The following MORC1 variants were observed in gnomAD, a reference collection of about 807,000 sequenced individuals.
MORC1 encodes the protein MORC family CW-type zinc finger 1.
Under a neutral mutation model 134.9 loss-of-function variants are expected in MORC1, and 59 were observed. The ratio of observed to expected loss-of-function variants is 0.44; its 90% CI spans 0.35 to 0.54. MORC1 has a LOEUF of 0.54. Among genes scored for constraint, MORC1 ranks in the 20% least tolerant of loss-of-function variants. MORC1 has a pLI of 0.00. For missense variants in MORC1, 947 were observed against 1,134.5 expected (o/e 0.83, Z 2.37); for synonymous variants, 395 against 391.7 (o/e 1.01, Z -0.10).
intron 8 of MORC1, among the ~76,000 whole-genome samples, chr3:109,072,934 A>AACACACACACACACAC (rs58749136): frequency 3.0e-4 from 44 of 144,834 alleles, no homozygotes; most frequent in African/African-American, 1.1e-3. Flanking sequence ...AATCTCCCTC[A>AACACACACACACACAC]ACACACACAC....
Position 109,069,745 on chromosome 3 carries a change from C to T in MORC1, c.702G>A (p.Arg234=), listed in dbSNP as rs775275346. The T allele has an allele frequency of 6.2e-7, 1 of 1,607,460 alleles. No homozygotes were observed. The highest frequency in any genetic ancestry group is 1.1e-5 in the South Asian group (1 of 90,056). The stretch of plus-strand genomic sequence containing the variant: ...CAGATGTGTAGGCTCTGAATGACCA[C>T]CTCGCTGGGAAACTGAAATAGAAAA... The part of the protein sequence containing the change: ...MAGALEDFPA[R]WSFRAYTSVL... The change falls in exon 9 of 28, where the codon AGG becomes AGA. Residue 234 remains arginine (R), a synonymous_variant. Transcript: ENST00000232603.
At chr3:108,968,306 C>T (rs868177199) in intron 26 of MORC1, among the ~76,000 whole-genome samples, 1 of 152,194 alleles carries the variant, frequency 6.6e-6, no homozygotes, top group Non-Finnish European at 1.5e-5. Flanking sequence ...TACACCTCCC[C>T]TTTTATTTCC....
chr3:108,998,455 G>T (rs572384844), intron 21 of MORC1, among the ~76,000 whole-genome samples: 1 of 152,242 alleles, frequency 6.6e-6, no homozygotes, highest in East Asian at 1.9e-4. Context: ...GGGGGTCAGG[G>T]GAGGGAGTCT....
At chr3:109,112,832 G>C (rs887232342) in intron 2 of MORC1, among the ~76,000 whole-genome samples, 2 of 152,146 alleles carry the variant, frequency 1.3e-5, no homozygotes, top group East Asian at 3.8e-4. Context: ...AGACAGGCTG[G>C]ACCTGGTCAA....
intron 8 of MORC1, among the ~76,000 whole-genome samples, chr3:109,086,206 T>C (rs370110960): frequency 6.6e-6 from 1 of 152,138 alleles, no homozygotes; most frequent in East Asian, 1.9e-4. Context: ...CAATCATCTG[T>C]GGTACAATTC....
intron 8 of MORC1, among the ~76,000 whole-genome samples, chr3:109,070,111 C>T (rs1161457102): frequency 1.3e-5 from 2 of 152,144 alleles, no homozygotes; most frequent in African/African-American, 2.4e-5. Flanking sequence ...AACAATCCCT[C>T]GTTCAAACAT....
chr3:109,054,602 G>T, intron 14 of MORC1, 126 bp downstream of exon 14: 1 of 829,598 alleles, frequency 1.2e-6, no homozygotes, highest in Non-Finnish European at 1.7e-6. Flanking sequence ...TGTTTTTAAA[G>T]CAGGAGCTCC....
chr3:109,073,924 G>C (rs548615017), intron 8 of MORC1, among the ~76,000 whole-genome samples: 3 of 152,172 alleles, frequency 2.0e-5, no homozygotes, highest in African/African-American at 7.2e-5. Context: ...TTTTAAAAAA[G>C]TTATAAGCTA....
intron 17 of MORC1, among the ~76,000 whole-genome samples, chr3:109,017,821 T>C (rs1263912026): frequency 1.3e-5 from 2 of 152,200 alleles, no homozygotes; most frequent in African/African-American, 2.4e-5. Context: ...CTTGAAAATA[T>C]CAGTATTCAT....
At chr3:109,077,118 T>C (rs1950438820) in intron 8 of MORC1, among the ~76,000 whole-genome samples, 1 of 152,158 alleles carries the variant, frequency 6.6e-6, no homozygotes, top group Non-Finnish European at 1.5e-5. Flanking sequence ...CAAATAGTTC[T>C]AAGGGAAACT....
chr3:109,002,719 A>G (rs1322180107), intron 20 of MORC1, among the ~76,000 whole-genome samples: 1 of 151,952 alleles, frequency 6.6e-6, no homozygotes, highest in Non-Finnish European at 1.5e-5. Flanking sequence ...TTTCTTCTAT[A>G]CTCGGCCAAA....
intron 14 of MORC1, among the ~76,000 whole-genome samples, chr3:109,036,336 G>C (rs1363428109): frequency 6.6e-6 from 1 of 152,026 alleles, no homozygotes; most frequent in Non-Finnish European, 1.5e-5. Context: ...TGTATGAAAA[G>C]CCTGTCCATA....
intron 1 of MORC1, among the ~76,000 whole-genome samples, chr3:109,117,378 T>C (rs1427110422): frequency 6.7e-6 from 1 of 149,562 alleles, no homozygotes; most frequent in Non-Finnish European, 1.5e-5. Context: ...AACCCGGACG[T>C]TCCACTGTGA....
Position 109,066,442 on chromosome 3 carries a change from C to T in MORC1, c.815+3190G>A, listed in dbSNP as rs960592953. Among the ~76,000 whole-genome samples the T allele has an allele frequency of 5.9e-5, 9 of 152,160 alleles. 1 individual carries two copies. The highest frequency in any genetic ancestry group is 7.2e-5 in the African/African-American group (3 of 41,516). On this transcript the variant is annotated intron_variant, in intron 9 of 27. Coordinates refer to ENST00000232603, the MANE Select transcript of MORC1 (RefSeq NM_014429.4). The stretch of plus-strand genomic sequence containing the variant: ...CTGGGATTACAGGTGCATGCCACCA[C>T]GCCTGGCTATGTTTTTGTATTTTTA...
chr3:109,005,625 C>T (rs1467472533), intron 18 of MORC1, among the ~76,000 whole-genome samples: 1 of 152,136 alleles, frequency 6.6e-6, no homozygotes, highest in Non-Finnish European at 1.5e-5. Flanking sequence ...TTTGGCTCCC[C>T]GCTGCAAACA....
At chr3:109,087,337 A>G (rs1950633558) in intron 8 of MORC1, among the ~76,000 whole-genome samples, 2 of 152,178 alleles carry the variant, frequency 1.3e-5, no homozygotes, top group African/African-American at 2.4e-5. Context: ...CCATAGTCTC[A>G]GCCCAAAAGC....
intron 27 of MORC1, among the ~76,000 whole-genome samples, chr3:108,963,145 C>T (rs1307173945): frequency 5.4e-5 from 8 of 149,424 alleles, no homozygotes; most frequent in African/African-American, 9.9e-5. Flanking sequence ...GCCAAGGTCG[C>T]GCCACTGCAC....
At chr3:109,093,391 G>T in intron 8 of MORC1, 45 bp downstream of exon 8, 1 of 1,467,384 alleles carries the variant, frequency 6.8e-7, no homozygotes. Flanking sequence ...CCTAACTCTA[G>T]CTCACCACCA....
chr3:109,080,532 T>C (rs188898819), intron 8 of MORC1, among the ~76,000 whole-genome samples: 4 of 152,266 alleles, frequency 2.6e-5, no homozygotes, highest in African/African-American at 9.6e-5. Flanking sequence ...AACTCCTGTA[T>C]TTAATTACTA....
Sources: allele counts gnomAD v4.1 joint callset (sites outside exome capture counted in the v4.1 genomes callset), GRCh38; gene constraint gnomAD v4.1.1; transcripts MANE v1.5; gene names NCBI Gene and HGNC (gene_info 2026-07-23, HGNC 2026-07-21).